KRT13: variants seen among roughly 807,000 people sequenced by gnomAD.
KRT13 encodes the protein keratin 13.
KRT13 carries 27 observed loss-of-function variants against 40.6 expected under a neutral mutation model. The observed-to-expected ratio is 0.67, with a 90% CI of 0.49 to 0.92. The LOEUF is 0.92. Ranked by LOEUF, KRT13 falls within the 40% of genes least tolerant of loss-of-function variation. KRT13 has a pLI of 0.00. For synonymous variants in KRT13, 266 were observed against 240.3 expected (o/e 1.11, Z -0.99); for missense variants, 605 against 611.5 (o/e 0.99, Z 0.11).
At chr17:41,503,877 T>A in intron 1 of KRT13, 152 bp from the exon 2 acceptor site, 2 of 719,516 alleles carry the variant, frequency 2.8e-6, no homozygotes, top group Admixed American at 2.2e-5. Flanking sequence ...TTGGCAAAAA[T>A]AAAAAATAAA....
At chr17:41,502,086 A>G in intron 6 of KRT13, 1 of 1,418,244 alleles carries the variant, frequency 7.1e-7, no homozygotes. Flanking sequence ...AAGGCAGTTA[A>G]AGCACCATAG....
rs961139675 is a variant in KRT13 at position 41,502,364 on chromosome 17, G to A, written c.1244+10C>T. 2.5e-6 allele frequency: 4 copies of A among 1,614,008 alleles called. No homozygotes were observed. The African/African-American group carries it at 5.3e-5, about 22-fold the overall frequency. On this transcript the variant is annotated intron_variant, in intron 6 of 7. Coordinates refer to ENST00000246635, the MANE Select transcript of KRT13 (RefSeq NM_153490.3). ...TCACTATCCTAAGAAAGAGGCTGGA[G>A]AGGACCTACTTGGCGTCCTGGCCCT...
Position 41,505,466 on chromosome 17 carries a change from C to T in KRT13, c.85G>A (p.Val29Ile), listed in dbSNP as rs1157169159. 6.2e-6 allele frequency: 10 copies of T among 1,614,100 alleles called. No homozygotes were observed. Among genetic ancestry groups the T allele is most frequent in the Non-Finnish European group, 8.5e-6 (10 of 1,179,950 alleles). The change falls in exon 1 of 8, where the codon GTC becomes ATC. Residue 29 changes from valine to isoleucine, a missense_variant. By Grantham distance (29) the Val-to-Ile change is conservative (BLOSUM62 3). Transcript: ENST00000246635. ...GSCQLGGGRGVSTCSTRFVSG... is the reference protein window; with the variant it reads ...GSCQLGGGRGISTCSTRFVSG... ...ACAAACCGAGTTGAACAGGTAGAGACACCACGGCCTCCTCCCAGCTGGCAA... is the reference window on the plus strand; with the variant it reads ...ACAAACCGAGTTGAACAGGTAGAGATACCACGGCCTCCTCCCAGCTGGCAA...
rs1317933704 is a variant in KRT13 at position 41,502,868 on chromosome 17, A to T, written c.898-56T>A. Reference sequence around the variant, plus strand: ...GAAGCTCAGCTCGAGCAGCCTGACCAAGAGGCTGTGTCCGCCCGGCCCCCC... The same window carrying T: ...GAAGCTCAGCTCGAGCAGCCTGACCTAGAGGCTGTGTCCGCCCGGCCCCCC... On this transcript the variant is annotated intron_variant, in intron 4 of 7. Coordinates refer to ENST00000246635, the MANE Select transcript of KRT13 (RefSeq NM_153490.3). 18 of 1,614,082 alleles carry T rather than the reference A, an allele frequency of 1.1e-5. No individual in the cohort carries two copies. The East Asian group carries it at 4.0e-4, about 36-fold the overall frequency.
intron 6 of KRT13, 22 bp downstream of exon 6, chr17:41,502,348 TAAGA>T (rs756886209): frequency 4.3e-6 from 7 of 1,613,774 alleles, no homozygotes; most frequent in Non-Finnish European, 5.1e-6. Context: ...GTCACTATCC[TAAGA>T]AAGAGGCTGG....
Position 41,505,546 on chromosome 17 carries a change from C to A in KRT13, c.5G>T (p.Ser2Ile). 1.2e-6 allele frequency: 2 copies of A among 1,614,250 alleles called. No homozygotes were observed. The highest frequency in any genetic ancestry group is 1.7e-6 in the Non-Finnish European group (2 of 1,180,056). The change falls in exon 1 of 8, where the codon AGC becomes ATC. Residue 2 changes from serine (S) to isoleucine (I), a missense_variant. Coordinates refer to ENST00000246635, the MANE Select transcript of KRT13 (RefSeq NM_153490.3). M[S>I]LRLQSSSASY... The stretch of plus-strand genomic sequence containing the variant: ...GGCAGAGGAGCTCTGCAGGCGGAGG[C>A]TCATGGTGAGAGCAGGATTGAGAGC...
chr17:41,504,850 T>G (rs1905002101), intron 1 of KRT13, among the ~76,000 whole-genome samples: 1 of 152,076 alleles, frequency 6.6e-6, no homozygotes, highest in Non-Finnish European at 1.5e-5. Flanking sequence ...ATCATAAAAA[T>G]GAATAATGAG....
intron 3 of KRT13, 22 bp downstream of exon 3, chr17:41,503,265 G>A (rs1476194563): frequency 3.7e-6 from 6 of 1,613,904 alleles, no homozygotes; most frequent in African/African-American, 2.7e-5. Flanking sequence ...TGAGCCCAGG[G>A]CAGCCTGCAA....
In KRT13 at chr17:41,505,053, C is replaced by A. The variant is rs1905008287; in HGVS notation, c.495+3G>T. On this transcript the variant is annotated splice_donor_region_variant and intron_variant, in intron 1 of 7. Transcript: ENST00000246635. ...GACCCCTCCTCAGCTTCCAAGGGCT[C>A]ACCTTGTCCCGGAGCTCTTCAATGG... The A allele has an allele frequency of 6.2e-7, 1 of 1,614,150 alleles. No homozygotes were observed. Among genetic ancestry groups the A allele is most frequent in the Non-Finnish European group, 8.5e-7 (1 of 1,179,986 alleles).
chr17:41,502,255 G>T, intron 6 of KRT13, 119 bp downstream of exon 6: 4 of 1,605,352 alleles, frequency 2.5e-6, no homozygotes, highest in East Asian at 2.2e-5. Context: ...TCCCCGTAAA[G>T]TCAGACAGTG....
intron 1 of KRT13, chr17:41,504,027 GA>G: frequency 4.9e-6 from 2 of 408,374 alleles, no homozygotes; most frequent in Non-Finnish European, 9.1e-6. Context: ...GGTGGCCTGG[GA>G]AAACATGGGC....
chr17:41,503,802 A>C (rs1904961840), intron 1 of KRT13, 77 bp from the exon 2 acceptor site: 1 of 1,115,524 alleles, frequency 9.0e-7, no homozygotes, highest in Non-Finnish European at 1.4e-6. Flanking sequence ...CATTGGAAGA[A>C]GAATTGTCTT....
intron 3 of KRT13, 38 bp from the exon 4 acceptor site, chr17:41,503,136 A>G: frequency 6.2e-7 from 1 of 1,612,886 alleles, no homozygotes; most frequent in Non-Finnish European, 8.5e-7. Context: ...GAGGCTACTC[A>G]TCCTCCCTCT....
At chr17:41,502,157 C>G (rs1904872460) in intron 6 of KRT13, 1 of 1,454,264 alleles carries the variant, frequency 6.9e-7, no homozygotes, top group Admixed American at 2.5e-5. Context: ...CAGATGTTCC[C>G]TCCATGGTCT....
chr17:41,503,524 G>C lies in KRT13; in HGVS notation c.579-81C>G, dbSNP rs924928361. ...AGACATTCTCCCTACCCCTGCACGAGACTCCAGTACTTCCAGACCTTCACT... is the reference window on the plus strand; with the variant it reads ...AGACATTCTCCCTACCCCTGCACGACACTCCAGTACTTCCAGACCTTCACT... On this transcript the variant is annotated intron_variant, in intron 2 of 7. Coordinates refer to ENST00000246635, the MANE Select transcript of KRT13 (RefSeq NM_153490.3). 3.2e-6 allele frequency: 5 copies of C among 1,555,600 alleles called. No homozygotes were observed. The African/African-American group carries it at 6.8e-5, about 21-fold the overall frequency.
intron 1 of KRT13, 89 bp from the exon 2 acceptor site, chr17:41,503,814 G>A: frequency 1.0e-6 from 1 of 969,744 alleles, no homozygotes; most frequent in Admixed American, 1.7e-5. Context: ...AATTGTCTTG[G>A]GCAACACATC....
Position 41,505,112 on chromosome 17 carries a change from T to C in KRT13, c.439A>G (p.Ser147Gly). The part of the protein sequence containing the change: ...RDWHLKQSPA[S>G]PERDYSPYYK... ...TAGGGGCTGTAGTCCCGCTCAGGGCTAGCTGGGCTCTGCTTCAGGTGCCAG... is the reference window on the plus strand; with the variant it reads ...TAGGGGCTGTAGTCCCGCTCAGGGCCAGCTGGGCTCTGCTTCAGGTGCCAG... Residue 147 changes from serine (S) to glycine (G), a missense_variant, in exon 1 of 8, where the codon AGC becomes GGC. By Grantham distance (56) the Ser-to-Gly change is moderately conservative (BLOSUM62 0). Coordinates refer to ENST00000246635, the MANE Select transcript of KRT13 (RefSeq NM_153490.3). 2 of 1,614,246 alleles carry C rather than the reference T, an allele frequency of 1.2e-6. No homozygotes were observed. Among genetic ancestry groups the C allele is most frequent in the Non-Finnish European group, 8.5e-7 (1 of 1,180,040 alleles).
rs757023592 is a variant in KRT13, at chr17:41,505,461, A to G, written c.90T>C (p.Ser30=). 1.2e-6 allele frequency: 2 copies of G among 1,614,128 alleles called. No homozygotes were observed. Among genetic ancestry groups the G allele is most frequent in the Non-Finnish European group, 1.7e-6 (2 of 1,179,948 alleles). ...SCQLGGGRGV[S]TCSTRFVSGG... ...CGGACACAAACCGAGTTGAACAGGTAGAGACACCACGGCCTCCTCCCAGCT... is the reference window on the plus strand; with the variant it reads ...CGGACACAAACCGAGTTGAACAGGTGGAGACACCACGGCCTCCTCCCAGCT... The change falls in exon 1 of 8, where the codon TCT becomes TCC. Residue 30 remains serine (S), a synonymous_variant. Coordinates refer to ENST00000246635, the MANE Select transcript of KRT13 (RefSeq NM_153490.3).
chr17:41,505,303 C>G lies in KRT13; in HGVS notation c.248G>C (p.Gly83Ala). 2 of 1,614,120 alleles carry G rather than the reference C, an allele frequency of 1.2e-6. No homozygotes were observed. ...GTCAACAAAGCCACCAGCAAAACCC[C>G]CACCAAAGCCACCTCCAAGGCCACC... ...YGGGLGGGFGGGFAGGFVDFG... is the reference protein window; with the variant it reads ...YGGGLGGGFGAGFAGGFVDFG... Residue 83 changes from glycine to alanine, a missense_variant, in exon 1 of 8, where the codon GGG becomes GCG. Coordinates refer to ENST00000246635, the MANE Select transcript of KRT13 (RefSeq NM_153490.3).
Sources: gnomAD v4.1 joint callset for allele counts (sites outside exome capture counted in the v4.1 genomes callset) on GRCh38, gnomAD v4.1.1 for gene constraint, MANE v1.5 for transcripts, NCBI Gene and HGNC (gene_info 2026-07-23, HGNC 2026-07-21) for gene names.